Variants in CNTN5 observed in about 807,000 individuals in gnomAD.
CNTN5 encodes the protein contactin-5.
In CNTN5, 77 loss-of-function variants were observed where a neutral mutation model predicts 129.1. The observed-to-expected ratio is 0.60, with a 90% CI of 0.50 to 0.72. CNTN5 has a LOEUF of 0.72. CNTN5 is among the 30% of genes least tolerant of loss of function. CNTN5 has a pLI of 0.00. For missense variants in CNTN5, 1,478 were observed against 1,328.8 expected (o/e 1.11, Z -1.75); for synonymous variants, 509 against 465.6 (o/e 1.09, Z -1.20).
At chr11:99,439,624 C>G (rs1277880088) in intron 2 of CNTN5, among the ~76,000 whole-genome samples, 2 of 144,174 alleles carry the variant, frequency 1.4e-5, no homozygotes, top group Non-Finnish European at 3.0e-5. Context: ...AGGAGAATCG[C>G]TTGAACCCGG....
At chr11:99,635,736 A>G (rs914077394) in intron 3 of CNTN5, among the ~76,000 whole-genome samples, 1 of 152,126 alleles carries the variant, frequency 6.6e-6, no homozygotes, top group African/African-American at 2.4e-5. Context: ...TGACAAGCTC[A>G]TGGTAGGTAA....
intron 1 of CNTN5, among the ~76,000 whole-genome samples, chr11:99,304,866 G>C (rs1386799597): frequency 6.6e-6 from 1 of 152,116 alleles, no homozygotes; most frequent in Non-Finnish European, 1.5e-5. Context: ...GACTCCCTAC[G>C]AGTTGTGACT....
chr11:99,276,249 T>C lies in CNTN5; in HGVS notation c.-209-49097T>C, dbSNP rs117269856. Among the ~76,000 whole-genome samples, 1,072 of 151,850 alleles carry C rather than the reference T, an allele frequency of 7.1e-3. 2 individuals are homozygous for C. The highest frequency in any genetic ancestry group is 0.017 in the Middle Eastern group (5 of 294). On this transcript the variant is annotated intron_variant, in intron 1 of 24. Coordinates refer to ENST00000524871, the MANE Select transcript of CNTN5 (RefSeq NM_014361.4). ...AGTTGAAATGTCTTTACTTTAGAAA[T>C]TAACATTTTGTCAAAAAGCAAAACA...
At chr11:100,022,448 GTATTT>G (rs1469878685) in intron 9 of CNTN5, among the ~76,000 whole-genome samples, 1 of 152,018 alleles carries the variant, frequency 6.6e-6, no homozygotes, top group Non-Finnish European at 1.5e-5. Context: ...TGTTAATGGT[GTATTT>G]TATTCTATTT....
intron 1 of CNTN5, among the ~76,000 whole-genome samples, chr11:99,275,688 T>TAAG (rs1318113437): frequency 6.6e-6 from 1 of 151,778 alleles, no homozygotes; most frequent in East Asian, 1.9e-4. Context: ...CTGGGGAAAC[T>TAAG]AAGTGTATTC....
intron 3 of CNTN5, among the ~76,000 whole-genome samples, chr11:99,714,865 A>AAG (rs1591521388): frequency 6.7e-6 from 1 of 150,008 alleles, no homozygotes; most frequent in South Asian, 2.1e-4. Flanking sequence ...AAAAAAAAAA[A>AAG]CCTTGAAGCT....
At chr11:100,285,493 C>A (rs1950760264) in intron 18 of CNTN5, among the ~76,000 whole-genome samples, 1 of 152,140 alleles carries the variant, frequency 6.6e-6, no homozygotes, top group Non-Finnish European at 1.5e-5. Flanking sequence ...TCCCATGATG[C>A]CTTTTCATCT....
chr11:99,921,997 C>T (rs531622190), intron 7 of CNTN5, among the ~76,000 whole-genome samples: 82 of 152,158 alleles, frequency 5.4e-4, no homozygotes, highest in African/African-American at 1.8e-3. Flanking sequence ...AAAATATAGT[C>T]AAAAAAGCTT....
intron 6 of CNTN5, among the ~76,000 whole-genome samples, chr11:99,859,501 C>T (rs1948141910): frequency 6.6e-6 from 1 of 152,030 alleles, no homozygotes; most frequent in Non-Finnish European, 1.5e-5. Flanking sequence ...TCTCAGCCTT[C>T]CCCCCAACCC....
chr11:99,930,232 T>G (rs1950160151), intron 7 of CNTN5, among the ~76,000 whole-genome samples: 1 of 152,150 alleles, frequency 6.6e-6, no homozygotes, highest in African/African-American at 2.4e-5. Context: ...AACTGCCATT[T>G]TGCTCCTTAC....
At chr11:99,149,241 TCAA>T (rs1317186478) in intron 1 of CNTN5, among the ~76,000 whole-genome samples, 1 of 151,836 alleles carries the variant, frequency 6.6e-6, no homozygotes, top group African/African-American at 2.4e-5. Flanking sequence ...TTGTGTGTCA[TCAA>T]CAAGGCCTGA....
intron 3 of CNTN5, among the ~76,000 whole-genome samples, chr11:99,670,889 T>C (rs1040395663): frequency 6.6e-6 from 1 of 152,164 alleles, no homozygotes; most frequent in Non-Finnish European, 1.5e-5. Flanking sequence ...TGATAGTTTA[T>C]GCATGTAAAG....
intron 21 of CNTN5, among the ~76,000 whole-genome samples, chr11:100,328,783 G>T (rs1951840932): frequency 6.6e-6 from 1 of 152,108 alleles, no homozygotes; most frequent in East Asian, 1.9e-4. Context: ...AAAAGAAAAA[G>T]AAAAACCTGA....
intron 6 of CNTN5, among the ~76,000 whole-genome samples, chr11:99,913,546 G>T (rs1949714710): frequency 6.6e-6 from 1 of 152,000 alleles, no homozygotes; most frequent in African/African-American, 2.4e-5. Context: ...ACAATTCTAT[G>T]AGGAAATGTT....
intron 1 of CNTN5, among the ~76,000 whole-genome samples, chr11:99,035,169 C>T (rs1002172376): frequency 1.1e-4 from 17 of 151,206 alleles, no homozygotes; most frequent in South Asian, 1.1e-3. Context: ...TTACATTTGC[C>T]GAGGAGAGCT....
At chr11:99,716,467 C>G (rs1955236246) in intron 3 of CNTN5, among the ~76,000 whole-genome samples, 1 of 151,976 alleles carries the variant, frequency 6.6e-6, no homozygotes, top group Non-Finnish European at 1.5e-5. Context: ...CACCTCTGGT[C>G]AGACCCTTGT....
intron 15 of CNTN5, among the ~76,000 whole-genome samples, chr11:100,201,807 G>A (rs1948784871): frequency 6.6e-6 from 1 of 151,934 alleles, no homozygotes. Flanking sequence ...CCAAGCTATG[G>A]AGAATATTGG....
chr11:99,363,952 G>T (rs1185982841), intron 2 of CNTN5, among the ~76,000 whole-genome samples: 1 of 151,988 alleles, frequency 6.6e-6, no homozygotes, highest in East Asian at 1.9e-4. Flanking sequence ...AATAATTAGA[G>T]TGTAATTATA....
chr11:99,532,202 G>T (rs1947736671), intron 2 of CNTN5, among the ~76,000 whole-genome samples: 1 of 152,152 alleles, frequency 6.6e-6, no homozygotes, highest in Non-Finnish European at 1.5e-5. Context: ...GAGACCTGGA[G>T]TCAAAGGAGA....
Sources: gnomAD v4.1 joint callset for allele counts (sites outside exome capture counted in the v4.1 genomes callset) on GRCh38, gnomAD v4.1.1 for gene constraint, MANE v1.5 for transcripts, NCBI Gene and HGNC (gene_info 2026-07-23, HGNC 2026-07-21) for gene names.